The following VTI1A variants were observed in gnomAD, a reference collection of about 807,000 sequenced individuals.
The protein encoded by VTI1A is vesicle transport through interaction with t-SNAREs homolog 1A.
A neutral mutation model predicts 34.9 loss-of-function variants in VTI1A; 22 were observed. The ratio of observed to expected loss-of-function variants is 0.63; its 90% confidence interval spans 0.45 to 0.90. The LOEUF (loss-of-function observed/expected upper bound fraction) is 0.90, where lower values mean the gene tolerates loss of function less well. Ranked by LOEUF, VTI1A falls within the 40% of genes least tolerant of loss-of-function variation. The pLI, the probability that VTI1A is intolerant of heterozygous loss-of-function variation, is 0.00. For missense variants in VTI1A, 268 were observed against 275.6 expected (o/e 0.97, Z 0.20); for synonymous variants, 87 against 97.3 (o/e 0.89, Z 0.62).
At chr10:112,811,796 C>T (rs1179150430) in intron 7 of VTI1A, among the ~76,000 whole-genome samples, 1 of 150,956 alleles carries the variant, frequency 6.6e-6, no homozygotes, top group Non-Finnish European at 1.5e-5. Context: ...TTCCTGGGCT[C>T]CTCGAGCAAG....
chr10:112,515,017 A>G (rs1030269368), intron 3 of VTI1A, among the ~76,000 whole-genome samples: 15 of 152,112 alleles, frequency 9.9e-5, no homozygotes, highest in African/African-American at 2.7e-4. Flanking sequence ...TAATTTTAAT[A>G]TAAGAAAACA....
intron 7 of VTI1A, among the ~76,000 whole-genome samples, chr10:112,768,339 C>T (rs1019356960): frequency 3.3e-5 from 5 of 152,242 alleles, no homozygotes; most frequent in East Asian, 3.9e-4. Context: ...TAGAGCAGGA[C>T]GTGGCAGTTG....
At chr10:112,714,326 G>A (rs1849532097) in intron 7 of VTI1A, among the ~76,000 whole-genome samples, 2 of 152,030 alleles carry the variant, frequency 1.3e-5, no homozygotes, top group Non-Finnish European at 1.5e-5. Context: ...CCTTTCCCCT[G>A]CTTTAGTTCT....
intron 3 of VTI1A, among the ~76,000 whole-genome samples, chr10:112,522,593 T>A (rs1012680198): frequency 6.6e-6 from 1 of 152,082 alleles, no homozygotes; most frequent in Admixed American, 6.6e-5. Flanking sequence ...AGAAACAGAT[T>A]GTCTTCAGCA....
In VTI1A at chr10:112,770,294, G is replaced by A. The variant is rs144737249; in HGVS notation, c.561-44996G>A. 3.1e-3 allele frequency among the ~76,000 whole-genome samples: 475 copies of A among 152,250 alleles called. 5 individuals are homozygous for A. The highest frequency in any genetic ancestry group is 9.9e-3 in the African/African-American group (410 of 41,556). Reference sequence around the variant, plus strand: ...AGAGGCAGGCATACTGTATGAAAGTGTTAAACTCATGTAGTCTGTATGCCA... The same window carrying A: ...AGAGGCAGGCATACTGTATGAAAGTATTAAACTCATGTAGTCTGTATGCCA... On this transcript the variant is annotated intron_variant, in intron 7 of 7. Transcript: ENST00000393077.
At chr10:112,809,308 A>T (rs1564933849) in intron 7 of VTI1A, among the ~76,000 whole-genome samples, 2 of 152,214 alleles carry the variant, frequency 1.3e-5, no homozygotes, top group Non-Finnish European at 2.9e-5. Flanking sequence ...TTTCTGGTGA[A>T]TAGTAACGTT....
intron 7 of VTI1A, among the ~76,000 whole-genome samples, chr10:112,802,110 A>G (rs1018451506): frequency 1.3e-5 from 2 of 152,178 alleles, no homozygotes; most frequent in Non-Finnish European, 2.9e-5. Flanking sequence ...TTAGCCAGGC[A>G]TAGTGGCATG....
rs529980142 is a variant in VTI1A, at chr10:112,520,924, G to T, written c.265-6163G>T. On this transcript the variant is annotated intron_variant, in intron 3 of 7. Coordinates refer to ENST00000393077, the MANE Select transcript of VTI1A (RefSeq NM_145206.4). ...TGGTGTTGCATACTAAAGAACAATG[G>T]ATTATTTTGGCAGTCTCATGGTAAC... Among the ~76,000 whole-genome samples, 8 of 151,870 alleles carry T rather than the reference G, an allele frequency of 5.3e-5. 1 individual carries two copies. The South Asian group carries it at 1.7e-3, about 32-fold the overall frequency.
At chr10:112,850,229 G>A in the VTI1A span, among the ~76,000 whole-genome samples, 18 of 152,030 alleles carry the variant, frequency 1.2e-4, no homozygotes, top group Non-Finnish European at 2.2e-4. Flanking sequence ...TGGCTTTGGA[G>A]ACACCCCAGG....
At chr10:112,633,633 A>C (rs895804464) in intron 5 of VTI1A, among the ~76,000 whole-genome samples, 1 of 152,114 alleles carries the variant, frequency 6.6e-6, no homozygotes, top group Non-Finnish European at 1.5e-5. Context: ...TGCCCCCAAA[A>C]AGTAATGTCT....
intron 5 of VTI1A, among the ~76,000 whole-genome samples, chr10:112,541,539 A>G (rs987444657): frequency 3.9e-5 from 6 of 152,220 alleles, no homozygotes; most frequent in Admixed American, 6.5e-5. Context: ...AAACTTTTCT[A>G]TTCATTAACT....
In VTI1A at chr10:112,460,561, G is replaced by T. The variant is rs1162193072; in HGVS notation, c.132G>T (p.Gln44His). The change falls in exon 2 of 8, where the codon CAG becomes CAT. Residue 44 changes from glutamine (Q) to histidine (H), a missense_variant. By Grantham distance (24) the Gln-to-His change is conservative. Coordinates refer to ENST00000393077, the MANE Select transcript of VTI1A (RefSeq NM_145206.4). ...KKQMVANVEK[Q>H]LEEAKELLEQ... ...AGATGGTTGCAAATGTGGAGAAACA[G>T]CTTGAAGAAGCGAAAGAACTGGTAT... The T allele has an allele frequency of 6.2e-7, 1 of 1,609,336 alleles. No individual in the cohort carries two copies. The highest frequency in any genetic ancestry group is 1.1e-5 in the South Asian group (1 of 89,776).
intron 7 of VTI1A, chr10:112,672,751 G>A (rs1013861872): frequency 1.3e-5 from 2 of 152,064 alleles, no homozygotes; most frequent in Non-Finnish European, 2.9e-5. Context: ...AGTCTTATTC[G>A]TTCAAACTGT....
chr10:112,610,269 C>A (rs1188146881), intron 5 of VTI1A, among the ~76,000 whole-genome samples: 2 of 151,580 alleles, frequency 1.3e-5, no homozygotes, highest in Non-Finnish European at 2.9e-5. Context: ...CCAGGAGTGT[C>A]TGTAAGAGCT....
chr10:112,633,197 C>T (rs1454018332), intron 5 of VTI1A, among the ~76,000 whole-genome samples: 1 of 152,082 alleles, frequency 6.6e-6, no homozygotes, highest in African/African-American at 2.4e-5. Flanking sequence ...ATGAAAGCCA[C>T]TTTTCTAGGT....
intron 3 of VTI1A, among the ~76,000 whole-genome samples, chr10:112,510,177 C>A (rs1849557963): frequency 6.6e-6 from 1 of 152,180 alleles, no homozygotes; most frequent in South Asian, 2.1e-4. Context: ...GAACATTTGA[C>A]AATGACCTAA....
chr10:112,769,350 C>T (rs1851736126), intron 7 of VTI1A, among the ~76,000 whole-genome samples: 1 of 152,220 alleles, frequency 6.6e-6, no homozygotes, highest in Non-Finnish European at 1.5e-5. Flanking sequence ...TACGCTGCCT[C>T]TGGTGGAGTC....
chr10:112,711,911 T>G (rs2133922372), intron 7 of VTI1A, among the ~76,000 whole-genome samples: 1 of 152,322 alleles, frequency 6.6e-6, no homozygotes, highest in East Asian at 1.9e-4. Flanking sequence ...CCACTTTATC[T>G]TAATCTGTTC....
At chr10:112,782,786 A>T (rs1321191050) in intron 7 of VTI1A, among the ~76,000 whole-genome samples, 1 of 151,022 alleles carries the variant, frequency 6.6e-6, no homozygotes, top group Non-Finnish European at 1.5e-5. Flanking sequence ...TTCCTGAAGG[A>T]CCACTTGTCA....
Sources: allele counts gnomAD v4.1 joint callset (sites outside exome capture counted in the v4.1 genomes callset), GRCh38; gene constraint gnomAD v4.1.1; transcripts MANE v1.5; gene names NCBI Gene and HGNC (gene_info 2026-07-23, HGNC 2026-07-21).